The following CHD2 variants were observed in gnomAD, a reference collection of about 807,000 sequenced individuals.
The protein encoded by CHD2 is ATP-dependent chromatin remodeler CHD2.
Under a neutral mutation model 243.9 loss-of-function variants are expected in CHD2, and 28 were observed. That is an observed-to-expected ratio of 0.11 (90% CI 0.09 to 0.16). CHD2 has a LOEUF of 0.16. Ranked by LOEUF, CHD2 falls within the 10% of genes least tolerant of loss-of-function variation. The pLI is 1.00. For synonymous variants in CHD2, 775 were observed against 779.0 expected (o/e 0.99, Z 0.09); for missense variants, 1,386 against 2,209.8 (o/e 0.63, Z 7.47).
At position 93,020,277 on chromosome 15, in the gene CHD2, G is replaced by A. The variant is rs777253176; in HGVS notation, c.5153+19G>A. On this transcript the variant is annotated intron_variant, in intron 38 of 38. Coordinates refer to ENST00000394196, the MANE Select transcript of CHD2 (RefSeq NM_001271.4). Reference sequence around the variant, plus strand: ...ATGACAGGTATGCAAAAGGCTGTGAGACACCAGGTGCCAACCTTTGCCAGG... The same window carrying A: ...ATGACAGGTATGCAAAAGGCTGTGAAACACCAGGTGCCAACCTTTGCCAGG... The A allele has an allele frequency of 6.2e-7, 1 of 1,614,076 alleles. No individual in the cohort carries two copies. The highest frequency in any genetic ancestry group is 1.1e-5 in the South Asian group (1 of 91,082).
chr15:93,011,776 G>GA (rs2054397369), intron 35 of CHD2, among the ~76,000 whole-genome samples: 1 of 152,216 alleles, frequency 6.6e-6, no homozygotes, highest in African/African-American at 2.4e-5. Context: ...AAAAGCCACT[G>GA]AGAGTTTTAA....
rs866368457 is a variant in CHD2 at position 92,997,559 on chromosome 15, T to C, written c.3885+156T>C. ...TTCCATCTTTAGCAGATTGTGGCAC[T>C]GTTTCACGGATGAAGATAAAGGGAA... On this transcript the variant is annotated intron_variant, in intron 30 of 38. Coordinates refer to ENST00000394196, the MANE Select transcript of CHD2 (RefSeq NM_001271.4). This position sits in a 1 kb window ranked among gnomAD's most constrained non-coding sequence, Gnocchi z 4.1. 1.6e-5 allele frequency: 10 copies of C among 631,680 alleles called. No individual in the cohort carries two copies. The highest frequency in any genetic ancestry group is 4.5e-4 in the Middle Eastern group (1 of 2,204). 39.1% of individuals were successfully genotyped at this position (631,680 alleles called of 1,614,324 possible).
rs572168831 is a variant in CHD2 at position 92,996,306 on chromosome 15, C to G, written c.3596-651C>G. On this transcript the variant is annotated intron_variant, in intron 28 of 38. Coordinates refer to ENST00000394196, the MANE Select transcript of CHD2 (RefSeq NM_001271.4). ...TCACGAGTGGCTGGGACTACAGGCGCCCACCACCACACCTGGCTAATTTTT... is the reference window on the plus strand; with the variant it reads ...TCACGAGTGGCTGGGACTACAGGCGGCCACCACCACACCTGGCTAATTTTT... Among the ~76,000 whole-genome samples, 4 of 151,666 alleles carry G rather than the reference C, an allele frequency of 2.6e-5. No individual in the cohort carries two copies. The South Asian group carries it at 8.4e-4, about 32-fold the overall frequency.
chr15:92,912,767 C>A (rs565694416), intron 2 of CHD2, among the ~76,000 whole-genome samples: 1 of 151,562 alleles, frequency 6.6e-6, no homozygotes, highest in Non-Finnish European at 1.5e-5. Context: ...AACTCCTGAC[C>A]TCGTGATCCG....
At chr15:93,003,608 G>A (rs987254456) in intron 33 of CHD2, among the ~76,000 whole-genome samples, 3 of 150,434 alleles carry the variant, frequency 2.0e-5, no homozygotes, top group African/African-American at 7.3e-5. Context: ...GGCCAGGCGG[G>A]GGGAGACGCT....
At position 93,016,519 on chromosome 15, in the gene CHD2, T is replaced by A. The variant is rs117159656; in HGVS notation, c.4906+1610T>A. ...TTAGGCTGATTGAGCCATTCCATAA[T>A]GTATATGTATTTTAAAACATTGCAT... On this transcript the variant is annotated intron_variant, in intron 37 of 38. Coordinates refer to ENST00000394196, the MANE Select transcript of CHD2 (RefSeq NM_001271.4). 8.7e-4 allele frequency among the ~76,000 whole-genome samples: 132 copies of A among 152,352 alleles called. 1 individual carries two copies. In the East Asian group the frequency reaches 0.018, roughly 20 times the overall value.
In CHD2 at chr15:92,921,155, A is replaced by C. The variant is rs149650616; in HGVS notation, c.63-3166A>C. Among the ~76,000 whole-genome samples, 987 of 152,286 alleles carry C rather than the reference A, an allele frequency of 6.5e-3. 4 individuals carry two copies. The highest frequency in any genetic ancestry group is 0.024 in the Middle Eastern group (7 of 294). On this transcript the variant is annotated intron_variant, in intron 2 of 38. Coordinates refer to ENST00000394196, the MANE Select transcript of CHD2 (RefSeq NM_001271.4). ...GAAGTATCTGATAGGTATTGAGCTT[A>C]GGATAGGAGACCAAAGGATGTTTTC... is the stretch of plus-strand genomic sequence containing the variant.
chr15:92,922,842 TAGAGGAAGATGAGGATATTGTTTTC>T, intron 2 of CHD2, among the ~76,000 whole-genome samples: 1 of 152,256 alleles, frequency 6.6e-6, no homozygotes, highest in Admixed American at 6.5e-5. Context: ...TTTTCACCAT[TAGAGGAAGATGAGGATATTGTTTTC>T]TCTGTGCTTG....
At chr15:92,932,822 A>G (rs2053196718) in intron 5 of CHD2, among the ~76,000 whole-genome samples, 1 of 109,784 alleles carries the variant, frequency 9.1e-6, no homozygotes, top group South Asian at 4.2e-4. Context: ...CGATGGCGCA[A>G]TCTCAGCTCA....
intron 2 of CHD2, among the ~76,000 whole-genome samples, chr15:92,910,027 A>G (rs2052701980): frequency 1.3e-5 from 2 of 151,678 alleles, no homozygotes; most frequent in African/African-American, 2.4e-5. Flanking sequence ...TTCTTTTGAG[A>G]CAGGGTTTCA....
intron 13 of CHD2, chr15:92,950,293 C>G (rs555073719): frequency 2.0e-5 from 3 of 152,370 alleles, no homozygotes; most frequent in African/African-American, 7.2e-5. Context: ...TTATTTCTAA[C>G]ACTTGTTATT....
At chr15:92,963,436 G>T (rs1022296046) in intron 16 of CHD2, among the ~76,000 whole-genome samples, 13 of 152,118 alleles carry the variant, frequency 8.5e-5, no homozygotes, top group Admixed American at 6.5e-5. Flanking sequence ...CCCCGCTGTA[G>T]CTCCATTTTC....
intron 34 of CHD2, among the ~76,000 whole-genome samples, chr15:93,007,879 G>C (rs2054341420): frequency 6.6e-6 from 1 of 152,014 alleles, no homozygotes; most frequent in Admixed American, 6.6e-5. Flanking sequence ...TTCCTCCACC[G>C]CTCTCGAATA....
intron 6 of CHD2, among the ~76,000 whole-genome samples, chr15:92,937,978 A>T (rs2053293585): frequency 1.3e-5 from 2 of 152,226 alleles, no homozygotes; most frequent in Admixed American, 1.3e-4. Context: ...ATATAACATT[A>T]AACAAATAAT....
chr15:92,979,960 T>C (rs917385278), intron 22 of CHD2, among the ~76,000 whole-genome samples: 1 of 151,800 alleles, frequency 6.6e-6, no homozygotes, highest in East Asian at 1.9e-4. Flanking sequence ...AATAATGATA[T>C]CAAAATAATA....
chr15:92,963,035 T>G (rs556768327), intron 16 of CHD2, among the ~76,000 whole-genome samples: 3 of 152,354 alleles, frequency 2.0e-5, no homozygotes, highest in Non-Finnish European at 4.4e-5. Context: ...TATACTGTTT[T>G]CCATCATTTT....
chr15:92,998,446 C>G lies in CHD2; in HGVS notation c.3886-53C>G. On this transcript the variant is annotated intron_variant, in intron 30 of 38. Transcript: ENST00000394196. The surrounding 1 kb of genome is among the most constrained non-coding windows in gnomAD (Gnocchi z 5.1). Reference sequence around the variant, plus strand: ...TTTGTTGTCTCTGTTTATCCTGATCCACTAACCAGGATGTGGGTGGTGGCG... The same window carrying G: ...TTTGTTGTCTCTGTTTATCCTGATCGACTAACCAGGATGTGGGTGGTGGCG... The G allele has an allele frequency of 6.2e-7, 1 of 1,609,000 alleles. No individual in the cohort carries two copies. Among genetic ancestry groups the G allele is most frequent in the Middle Eastern group, 1.7e-4 (1 of 5,962 alleles).
chr15:92,945,149 G>A (rs1393164680), intron 10 of CHD2: 3 of 152,514 alleles, frequency 2.0e-5, no homozygotes, highest in African/African-American at 7.2e-5. Context: ...ATAGCCAGGA[G>A]AGAGGAAATG....
rs2054586385 is a variant in CHD2, at chr15:93,026,324, C to T, written c.*1619C>T. 6.5e-6 allele frequency: 1 copy of T among 152,718 alleles called. No homozygotes were observed. Among genetic ancestry groups the T allele is most frequent in the South Asian group, 2.1e-4 (1 of 4,830 alleles). The allele number at this position is 152,718 out of a possible 1,614,324, so 9.5% of individuals were successfully genotyped here. ...TGAGGACTTCAGTGCTTGCTGGTGT[C>T]CTGGGCAGCACCATGAATGCCTTTA... On this transcript the variant is annotated 3_prime_UTR_variant, in exon 39 of 39. Coordinates refer to ENST00000394196, the MANE Select transcript of CHD2 (RefSeq NM_001271.4).
Sources: allele counts gnomAD v4.1 joint callset (sites outside exome capture counted in the v4.1 genomes callset), GRCh38; gene constraint gnomAD v4.1.1; non-coding constraint Gnocchi (gnomAD v3.1); transcripts MANE v1.5; gene names NCBI Gene and HGNC (gene_info 2026-07-23, HGNC 2026-07-21).